The following DMD variants were observed in gnomAD, a reference collection of about 807,000 sequenced individuals.
DMD encodes mutant dystrophin.
Under a neutral mutation model 330.1 loss-of-function variants are expected in DMD, and 63 were observed. The observed-to-expected ratio is 0.19, with a 90% CI of 0.16 to 0.24. The LOEUF (loss-of-function observed/expected upper bound fraction) is 0.24, where lower values mean the gene tolerates loss of function less well. Ranked by LOEUF, DMD falls within the 10% of genes least tolerant of loss-of-function variation. The pLI, the probability that DMD is intolerant of heterozygous loss-of-function variation, is 1.00. For missense variants in DMD, 3,344 were observed against 2,684.1 expected (o/e 1.25, Z -5.43); for synonymous variants, 1,223 against 959.8 (o/e 1.27, Z -5.07).
intron 76 of DMD, among the ~76,000 whole-genome samples, chrX:31,138,117 T>C (rs2147822224): frequency 8.9e-6 from 1 of 111,800 alleles, no homozygotes; most frequent in African/African-American, 3.3e-5. Context: ...AGGCTTAGAA[T>C]GTCTTTGACT....
intron 57 of DMD, among the ~76,000 whole-genome samples, chrX:31,492,306 C>G (rs755312332): frequency 8.9e-6 from 1 of 112,016 alleles, no homozygotes; most frequent in Admixed American, 9.5e-5. Context: ...AGATCTGATA[C>G]GCAGATCCAG....
chrX:32,527,814 G>T (rs936932874), intron 17 of DMD, among the ~76,000 whole-genome samples: 1 of 110,798 alleles, frequency 9.0e-6, no homozygotes, highest in Admixed American at 9.6e-5. Context: ...TAGATAAATA[G>T]TTCCCTCTCC....
intron 64 of DMD, among the ~76,000 whole-genome samples, chrX:31,215,944 G>T (rs1486300055): frequency 4.5e-5 from 5 of 112,103 alleles, no homozygotes; most frequent in Non-Finnish European, 9.4e-5. Context: ...TTTTAGGAGT[G>T]ACTACTATTC....
intron 1 of DMD, among the ~76,000 whole-genome samples, chrX:33,256,393 TG>T (rs1399747890): frequency 9.0e-6 from 1 of 110,774 alleles, no homozygotes; most frequent in East Asian, 2.8e-4. Flanking sequence ...TTTAGTTTGA[TG>T]GTAACACCAT....
intron 1 of DMD, among the ~76,000 whole-genome samples, chrX:33,293,005 C>T (rs1235100742): frequency 9.0e-6 from 1 of 111,620 alleles, no homozygotes; most frequent in African/African-American, 3.2e-5. Flanking sequence ...CATGTATCAG[C>T]TCAGCTATCA....
chrX:32,874,201 T>G (rs184281076), intron 2 of DMD, among the ~76,000 whole-genome samples: 7 of 112,305 alleles, frequency 6.2e-5, no homozygotes, highest in African/African-American at 2.3e-4. Flanking sequence ...GCTTTTCATG[T>G]CTTTTTCTTA....
At chrX:31,145,056 A>C (rs2036525925) in intron 76 of DMD, among the ~76,000 whole-genome samples, 1 of 112,033 alleles carries the variant, frequency 8.9e-6, no homozygotes, top group African/African-American at 3.2e-5. Flanking sequence ...TTCCTCAACA[A>C]ATTCATCCAA....
At chrX:32,465,582 G>GTTTTTTTTTTTTTTTTTTTTTTTT (rs1191063866) in intron 23 of DMD, among the ~76,000 whole-genome samples, 2 of 76,666 alleles carry the variant, frequency 2.6e-5, no homozygotes, top group African/African-American at 5.0e-5. Context: ...TTTGTTTTTT[G>GTTTTTTTTTTTTTTTTTTTTTTTT]TTTTTTTTTT....
At position 32,757,334 on chromosome X, in the gene DMD, G is replaced by A. The variant is rs187037293; in HGVS notation, c.649+52159C>T. Among the ~76,000 whole-genome samples the A allele has an allele frequency of 2.3e-4, 26 of 111,440 alleles. No homozygotes were observed. In the South Asian group the frequency reaches 2.6e-3, roughly 11 times the overall value. On this transcript the variant is annotated intron_variant, in intron 7 of 78. Coordinates refer to ENST00000357033, the MANE Select transcript of DMD (RefSeq NM_004006.3). ...TTCTTAACAAGTTATATGATTCAGG[G>A]ATATAATAGAAAATGTTGAGACATA...
intron 51 of DMD, among the ~76,000 whole-genome samples, chrX:31,758,519 C>T (rs1346583484): frequency 9.0e-6 from 1 of 111,382 alleles, no homozygotes; most frequent in Non-Finnish European, 1.9e-5. Flanking sequence ...AAAACAATTA[C>T]AGTGAAACAT....
At chrX:32,602,706 A>G (rs150683118) in intron 12 of DMD, among the ~76,000 whole-genome samples, 173 of 111,152 alleles carry the variant, frequency 1.6e-3, no homozygotes, top group African/African-American at 5.5e-3. Flanking sequence ...ACTACTGCTT[A>G]CTCTATGTTT....
At chrX:31,370,876 A>G (rs914983276) in intron 60 of DMD, among the ~76,000 whole-genome samples, 1 of 112,365 alleles carries the variant, frequency 8.9e-6, no homozygotes, top group African/African-American at 3.2e-5. Flanking sequence ...GCTGCATATA[A>G]AAAGAGAAAT....
intron 16 of DMD, among the ~76,000 whole-genome samples, chrX:32,546,730 C>G (rs6631599): frequency 0.18 from 20,017 of 110,596 alleles, 1,544 homozygotes; most frequent in East Asian, 0.4. Flanking sequence ...CAGGTTTTAT[C>G]TTCTCTAGGA....
intron 60 of DMD, among the ~76,000 whole-genome samples, chrX:31,368,529 G>A (rs1156269605): frequency 8.9e-6 from 1 of 111,810 alleles, no homozygotes; most frequent in African/African-American, 3.3e-5. Context: ...CCTATATCCA[G>A]ATTTGTTTTC....
At chrX:32,653,957 G>A (rs1289430867) in intron 9 of DMD, among the ~76,000 whole-genome samples, 2 of 111,448 alleles carry the variant, frequency 1.8e-5, no homozygotes, top group African/African-American at 6.5e-5. Context: ...GCCTCTGTCT[G>A]TTATTGGTGT....
At chrX:32,612,807 A>T (rs1312473685) in intron 12 of DMD, among the ~76,000 whole-genome samples, 1 of 111,178 alleles carries the variant, frequency 9.0e-6, no homozygotes, top group South Asian at 3.7e-4. Flanking sequence ...GACGGGGATT[A>T]CCATAGTTAC....
rs1228657884 is a variant in DMD, at chrX:32,452,315, G to C, written c.3603+2347C>G. On this transcript the variant is annotated intron_variant, in intron 26 of 78. Coordinates refer to ENST00000357033, the MANE Select transcript of DMD (RefSeq NM_004006.3). ...AAGGAAAAGGAAAGGGAAAGTGAAA[G>C]TGAAAGTGAAAGTGAAAGTGAAAGG... Among the ~76,000 whole-genome samples, 2 of 15,150 alleles carry C rather than the reference G, an allele frequency of 1.3e-4. 1 individual carries two copies. 13.2% of individuals were successfully genotyped at this position (15,150 alleles called of 115,157 possible). A position where few individuals can be genotyped will look rare whatever the true frequency, so the allele number is the denominator to read the frequency against.
chrX:31,139,009 A>G (rs2035699750), intron 76 of DMD, among the ~76,000 whole-genome samples: 4 of 112,388 alleles, frequency 3.6e-5, no homozygotes, highest in Admixed American at 1.9e-4. Context: ...TGCACACTAG[A>G]GACCTGCACA....
At chrX:32,243,719 T>G (rs1022553018) in intron 43 of DMD, among the ~76,000 whole-genome samples, 1 of 111,755 alleles carries the variant, frequency 8.9e-6, no homozygotes, top group Non-Finnish European at 1.9e-5. Context: ...TGATAATGGT[T>G]GTGTTTAACA....
Sources: gnomAD v4.1 joint callset for allele counts (sites outside exome capture counted in the v4.1 genomes callset) on GRCh38, gnomAD v4.1.1 for gene constraint, MANE v1.5 for transcripts, NCBI Gene and HGNC (gene_info 2026-07-23, HGNC 2026-07-21) for gene names.